The following PACS2 variants were observed in gnomAD, a reference collection of about 807,000 sequenced individuals.
The protein encoded by PACS2 is phosphofurin acidic cluster sorting protein 2, also known as PACS1-like protein.
In PACS2, 36 loss-of-function variants were observed where a neutral mutation model predicts 113.0. That is an observed-to-expected ratio of 0.32 (90% CI 0.24 to 0.42). PACS2 has a LOEUF of 0.42. PACS2 is among the 10% of genes least tolerant of loss of function. PACS2 has a pLI of 1.00. For synonymous variants in PACS2, 589 were observed against 536.1 expected (o/e 1.10, Z -1.36); for missense variants, 1,015 against 1,239.5 (o/e 0.82, Z 2.72).
upstream of PACS2, among the ~76,000 whole-genome samples, chr14:105,309,471 C>T (rs1239494039): frequency 6.6e-6 from 1 of 152,238 alleles, no homozygotes; most frequent in African/African-American, 2.4e-5. The surrounding 1 kb of genome is among the most constrained non-coding windows in gnomAD (Gnocchi z 4.0). Flanking sequence ...CTGGACATTC[C>T]TTTCTGTAGG....
chr14:105,362,077 G>A (rs987433361), intron 4 of PACS2, among the ~76,000 whole-genome samples: 3 of 150,080 alleles, frequency 2.0e-5, no homozygotes, highest in East Asian at 2.0e-4. Context: ...GAGCGAGATC[G>A]CACCATTGCA....
rs1421030999 is a variant in PACS2, at chr14:105,358,718, G to A, written c.423+3541G>A. Among the ~76,000 whole-genome samples the A allele has an allele frequency of 2.6e-5, 4 of 152,162 alleles. No individual in the cohort carries two copies. The highest frequency in any genetic ancestry group is 4.4e-5 in the Non-Finnish European group (3 of 68,010). On this transcript the variant is annotated intron_variant, in intron 4 of 24. Transcript: ENST00000447393. This position sits in a 1 kb window ranked among gnomAD's most constrained non-coding sequence, Gnocchi z 4.9. ...ACAGCCGGACTCCTCTTGTGGCCTC[G>A]CCACAAGCTGCACATGCCACTGGGG... is the stretch of plus-strand genomic sequence containing the variant.
Position 105,379,799 on chromosome 14 carries a change from C to A in PACS2, c.1020C>A (p.Ser340Arg). 6.2e-7 allele frequency: 1 copy of A among 1,613,424 alleles called. No homozygotes were observed. Among genetic ancestry groups the A allele is most frequent in the Non-Finnish European group, 8.5e-7 (1 of 1,179,976 alleles). Reference sequence around the variant, plus strand: ...AGACGGAGATTGGGAGCATCCACAGCGCCCGCAGCCACAAGGAGCCCCCAA... The same window carrying A: ...AGACGGAGATTGGGAGCATCCACAGAGCCCGCAGCCACAAGGAGCCCCCAA... ...SSQTEIGSIH[S>R]ARSHKEPPSP... is the part of the protein sequence containing the mutation. Residue 340 changes from serine (S) to arginine (R), a missense_variant, in exon 10 of 25, where the codon AGC becomes AGA. Physicochemically the swap from Ser to Arg is moderately radical, Grantham distance 110 (BLOSUM62 -1). Coordinates refer to ENST00000447393, the MANE Select transcript of PACS2 (RefSeq NM_001100913.3).
In PACS2 at chr14:105,323,951, G is replaced by C. The variant is rs1352236850; in HGVS notation, c.119+8914G>C. 6.6e-6 allele frequency among the ~76,000 whole-genome samples: 1 copy of C among 152,254 alleles called. No individual in the cohort carries two copies. Among genetic ancestry groups the C allele is most frequent in the Non-Finnish European group, 1.5e-5 (1 of 68,042 alleles). On this transcript the variant is annotated intron_variant, in intron 1 of 24. Coordinates refer to ENST00000447393, the MANE Select transcript of PACS2 (RefSeq NM_001100913.3). This position sits in a 1 kb window ranked among gnomAD's most constrained non-coding sequence, Gnocchi z 4.1. ...ACACCGCTCTGTCCGCGCAGGCTGT[G>C]CCCTGCTTTCAAGATGCCTGGAAAC...
intron 15 of PACS2, 111 bp downstream of exon 15, chr14:105,383,024 G>C: frequency 2.9e-6 from 2 of 695,046 alleles, no homozygotes; most frequent in Non-Finnish European, 5.0e-6. Context: ...TGGGGCTGTG[G>C]CTGGTGTCCA....
At chr14:105,379,854 C>T (rs1555411483) in intron 10 of PACS2, 25 bp downstream of exon 10, 1 of 1,600,636 alleles carries the variant, frequency 6.2e-7, no homozygotes, top group Non-Finnish European at 8.6e-7. Context: ...ACTGATCTCC[C>T]AGAGCAGACC....
chr14:105,335,807 G>C (rs1312976773), intron 1 of PACS2, among the ~76,000 whole-genome samples: 6 of 152,238 alleles, frequency 3.9e-5, no homozygotes, highest in Admixed American at 3.3e-4. Flanking sequence ...AGTGAGGCTG[G>C]CAAGAGCTGG....
In PACS2 at chr14:105,385,044, G is replaced by A. The variant is rs1037158614; in HGVS notation, c.2000+57G>A. 1.6e-5 allele frequency: 17 copies of A among 1,095,200 alleles called. No individual in the cohort carries two copies. The East Asian group carries it at 1.8e-4, about 12-fold the overall frequency. 67.8% of individuals were successfully genotyped at this position (1,095,200 alleles called of 1,614,324 possible). ...GGCTGCCGCCAGCCACCAACCCTCC[G>A]TGGGCCTCCCCACCCGCTGCTGGGC... On this transcript the variant is annotated intron_variant, in intron 18 of 24. Transcript: ENST00000447393.
At chr14:105,304,136 C>A (rs1187491450) in intron 1 of PACS2, among the ~76,000 whole-genome samples, 1 of 152,174 alleles carries the variant, frequency 6.6e-6, no homozygotes, top group Non-Finnish European at 1.5e-5. Context: ...CTGTACAGGA[C>A]AGGATTGGCC....
chr14:105,368,026 C>T (rs373725723), intron 5 of PACS2, 48 bp from the exon 6 acceptor site: 309 of 1,307,276 alleles, frequency 2.4e-4, no homozygotes, highest in Non-Finnish European at 3.2e-4. Flanking sequence ...GCCTGGTTTC[C>T]CGGGTGGAAT....
At chr14:105,350,900 G>A (rs587750810) in intron 2 of PACS2, among the ~76,000 whole-genome samples, 56 of 152,314 alleles carry the variant, frequency 3.7e-4, no homozygotes, top group Middle Eastern at 3.4e-3. Flanking sequence ...AGGGCTGGCC[G>A]AGGAGAGCCG....
At chr14:105,304,493 T>TAAATA (rs60177512) in intron 1 of PACS2, among the ~76,000 whole-genome samples, 3,698 of 151,888 alleles carry the variant, frequency 0.024, 68 homozygotes, top group African/African-American at 0.047. Flanking sequence ...CATCTCACAA[T>TAAATA]AAATAAAATA....
Position 105,307,384 on chromosome 14 carries a change from G to A in PACS2, c.-83+6405G>A, listed in dbSNP as rs145502200. 3.3e-5 allele frequency among the ~76,000 whole-genome samples: 5 copies of A among 152,198 alleles called. No homozygotes were observed. In the East Asian group the frequency reaches 9.7e-4, roughly 29 times the overall value. ...ACTGAAATGACCCAGTTCTAATTCTGCTCAGCTTGCCTCCTCTGCCTTGCC... is the reference window on the plus strand; with the variant it reads ...ACTGAAATGACCCAGTTCTAATTCTACTCAGCTTGCCTCCTCTGCCTTGCC... On this transcript the variant is annotated intron_variant, in intron 1 of 23. Transcript: ENST00000430725.
intron 8 of PACS2, chr14:105,371,013 C>T (rs1555409254): frequency 1.3e-5 from 2 of 152,266 alleles, no homozygotes; most frequent in Non-Finnish European, 1.5e-5. Flanking sequence ...CTAACATACT[C>T]GGGATGCATC....
upstream of PACS2, chr14:105,314,695 C>T (rs1198628992): frequency 3.5e-5 from 5 of 142,024 alleles, no homozygotes; most frequent in Non-Finnish European, 6.2e-5. Context: ...GCGGGGCGGC[C>T]GGGGGCGCGC....
intron 1 of PACS2, among the ~76,000 whole-genome samples, chr14:105,305,315 T>C (rs2058155107): frequency 6.6e-6 from 1 of 152,096 alleles, no homozygotes; most frequent in South Asian, 2.1e-4. Flanking sequence ...GGTAGGAGGA[T>C]TGCTTGAGCC....
In PACS2 at chr14:105,366,177, G is replaced by A. The variant is rs782011898; in HGVS notation, c.424-1036G>A. On this transcript the variant is annotated intron_variant, in intron 4 of 24. Transcript: ENST00000447393. The surrounding 1 kb of genome is among the most constrained non-coding windows in gnomAD (Gnocchi z 4.3). The stretch of plus-strand genomic sequence containing the variant: ...CCATCCTGGCCAACATGGTGAAACT[G>A]TTTCTACTAAAAATACAAAACTTAG... Among the ~76,000 whole-genome samples the A allele has an allele frequency of 1.5e-4, 22 of 148,092 alleles. No homozygotes were observed. Among genetic ancestry groups the A allele is most frequent in the African/African-American group, 5.8e-4 (22 of 37,662 alleles).
Position 105,329,980 on chromosome 14 carries a change from G to A in PACS2, c.119+14943G>A, listed in dbSNP as rs1463989926. ...AGCCCCCAGCTGGGATGCCCTGGGA[G>A]GGTGCAGGGTGGGCTCTGGATGCCT... On this transcript the variant is annotated intron_variant, in intron 1 of 24. Coordinates refer to ENST00000447393, the MANE Select transcript of PACS2 (RefSeq NM_001100913.3). The surrounding 1 kb of genome is among the most constrained non-coding windows in gnomAD (Gnocchi z 6.4). Among the ~76,000 whole-genome samples, 1 of 152,236 alleles carries A rather than the reference G, an allele frequency of 6.6e-6. No homozygotes were observed. The highest frequency in any genetic ancestry group is 1.5e-5 in the Non-Finnish European group (1 of 68,050).
chr14:105,362,666 C>T (rs1461919299), intron 4 of PACS2, among the ~76,000 whole-genome samples: 1 of 151,864 alleles, frequency 6.6e-6, no homozygotes, highest in Non-Finnish European at 1.5e-5. Flanking sequence ...GCCTGACCAA[C>T]ATGTTGAAAT....
Sources: allele counts gnomAD v4.1 joint callset (sites outside exome capture counted in the v4.1 genomes callset), GRCh38; gene constraint gnomAD v4.1.1; non-coding constraint Gnocchi (gnomAD v3.1); transcripts MANE v1.5; gene names NCBI Gene and HGNC (gene_info 2026-07-23, HGNC 2026-07-21).